PITPNM2: variants seen among roughly 807,000 people sequenced by gnomAD.
PITPNM2 encodes the protein phosphatidylinositol transfer protein membrane associated 2.
Under a neutral mutation model 132.2 loss-of-function variants are expected in PITPNM2, and 35 were observed. That is an observed-to-expected ratio of 0.26 (90% CI 0.20 to 0.35). PITPNM2 has a LOEUF of 0.35. PITPNM2 is among the 10% of genes least tolerant of loss of function. The probability of loss-of-function intolerance (pLI) is 1.00; values close to 1 mark genes in which losing one functional copy is unlikely to be tolerated. For synonymous variants in PITPNM2, 738 were observed against 799.2 expected (o/e 0.92, Z 1.29); for missense variants, 1,332 against 1,912.0 (o/e 0.70, Z 5.66).
In PITPNM2 at chr12:123,111,693, C is replaced by T. The variant is rs559465453; in HGVS notation, c.-199-1205G>A. On this transcript the variant is annotated intron_variant, in intron 1 of 25. Coordinates refer to ENST00000320201, the MANE Select transcript of PITPNM2 (RefSeq NM_020845.3). This position sits in a 1 kb window ranked among gnomAD's most constrained non-coding sequence, Gnocchi z 4.1. ...CTCCTCTGTGGGACTGAGGCTCCAT[C>T]GCTGTCCTGCCCCAGCCCCTTGTCT... 2.5e-4 allele frequency among the ~76,000 whole-genome samples: 38 copies of T among 152,234 alleles called. No individual in the cohort carries two copies. Among genetic ancestry groups the T allele is most frequent in the Non-Finnish European group, 4.6e-4 (31 of 68,038 alleles).
At chr12:123,126,151 G>C (rs1321065671) in intron 1 of PITPNM2, among the ~76,000 whole-genome samples, 1 of 151,928 alleles carries the variant, frequency 6.6e-6, no homozygotes, top group African/African-American at 2.4e-5. Flanking sequence ...TTACAGGCTT[G>C]AGCCACCATG....
At chr12:123,028,982 T>G (rs1292727991) in intron 3 of PITPNM2, among the ~76,000 whole-genome samples, 1 of 152,132 alleles carries the variant, frequency 6.6e-6, no homozygotes, top group Admixed American at 6.5e-5. Flanking sequence ...CGGGGTGGCC[T>G]GAACCTCTCC....
In PITPNM2 at chr12:122,986,817, G is replaced by A; in HGVS notation, c.3426C>T (p.Asp1142=). ...GAVDVVRHWQ[D]LGYLIIYVTG... is the part of the protein sequence containing the mutation. ...TCACGTAGATGATGAGGTAGCCCAGGTCCTGCCAGTGCCTGGGGGTGAGGT... is the reference window on the plus strand; with the variant it reads ...TCACGTAGATGATGAGGTAGCCCAGATCCTGCCAGTGCCTGGGGGTGAGGT... The change falls in exon 24 of 26, where the codon GAC becomes GAT. Residue 1142 remains aspartate (D), a synonymous_variant. Coordinates refer to ENST00000320201, the MANE Select transcript of PITPNM2 (RefSeq NM_020845.3). 2 of 1,611,068 alleles carry A rather than the reference G, an allele frequency of 1.2e-6. No individual in the cohort carries two copies. Among genetic ancestry groups the A allele is most frequent in the Non-Finnish European group, 1.7e-6 (2 of 1,178,734 alleles).
At chr12:122,987,999 C>G in intron 20 of PITPNM2, 98 bp from the exon 21 acceptor site, 1 of 1,137,196 alleles carries the variant, frequency 8.8e-7, no homozygotes, top group Middle Eastern at 2.0e-4. Context: ...CAGGCTTGAG[C>G]TGTGAGCTGC....
Position 123,117,864 on chromosome 12 carries a change from G to A in PITPNM2, c.-199-7376C>T, listed in dbSNP as rs2042961469. 6.6e-6 allele frequency among the ~76,000 whole-genome samples: 1 copy of A among 152,182 alleles called. No homozygotes were observed. ...GCTACGGGACTAGTTATATGAGTAG[G>A]GGAGGTCCACCACTTCAAAGCCTGG... On this transcript the variant is annotated intron_variant, in intron 1 of 25. Transcript: ENST00000320201. The surrounding 1 kb of genome is among the most constrained non-coding windows in gnomAD (Gnocchi z 4.7).
At chr12:123,043,207 G>A (rs1184645964) in intron 2 of PITPNM2, among the ~76,000 whole-genome samples, 1 of 152,102 alleles carries the variant, frequency 6.6e-6, no homozygotes. Context: ...GAAGCAGGCA[G>A]AGAGCTGGGT....
intron 2 of PITPNM2, among the ~76,000 whole-genome samples, chr12:123,046,057 C>T (rs1191601452): frequency 1.3e-5 from 2 of 152,186 alleles, no homozygotes; most frequent in African/African-American, 4.8e-5. Context: ...CAACAGTCAA[C>T]TCCTTAAAGA....
intron 2 of PITPNM2, among the ~76,000 whole-genome samples, chr12:123,086,023 G>A (rs955118587): frequency 1.3e-5 from 2 of 152,260 alleles, no homozygotes; most frequent in Non-Finnish European, 1.5e-5. Context: ...GGCATTCACT[G>A]CACCCTTTTC....
chr12:123,057,023 C>CT (rs1243226998), intron 2 of PITPNM2, among the ~76,000 whole-genome samples: 1 of 152,176 alleles, frequency 6.6e-6, no homozygotes, highest in Non-Finnish European at 1.5e-5. Context: ...AAAAGCGCGT[C>CT]TGAGTGTGTG....
chr12:122,989,029 C>T (rs1223745291), intron 18 of PITPNM2, among the ~76,000 whole-genome samples, 157 bp from the exon 19 acceptor site: 1 of 152,158 alleles, frequency 6.6e-6, no homozygotes, highest in Non-Finnish European at 1.5e-5. Context: ...GTGAGGCAAG[C>T]GGGAGGGAGC....
intron 8 of PITPNM2, among the ~76,000 whole-genome samples, chr12:123,003,276 G>A (rs59548945): frequency 2.0e-5 from 3 of 152,242 alleles, no homozygotes; most frequent in Non-Finnish European, 2.9e-5. Context: ...GGCACTTGCC[G>A]GCCCCCCTCC....
At chr12:123,149,025 A>T (rs183401213) in intron 1 of PITPNM2, among the ~76,000 whole-genome samples, 42 of 152,282 alleles carry the variant, frequency 2.8e-4, no homozygotes, top group African/African-American at 9.6e-4. Flanking sequence ...AGGAGGCAGA[A>T]AAGGTAGACA....
intron 1 of PITPNM2, among the ~76,000 whole-genome samples, chr12:123,121,721 T>G (rs1473504743): frequency 6.6e-6 from 1 of 151,128 alleles, no homozygotes; most frequent in Non-Finnish European, 1.5e-5. Context: ...TTAACATAAT[T>G]TTTTTTTAGT....
Position 122,989,953 on chromosome 12 carries a change from G to T in PITPNM2, c.2570-5C>A. 1 of 1,301,950 alleles carries T rather than the reference G, an allele frequency of 7.7e-7. No individual in the cohort carries two copies. 80.6% of individuals were successfully genotyped at this position (1,301,950 alleles called of 1,614,324 possible). ...GGCTGAGCGCATCGGGGGCCTCTGA[G>T]AAGCAAGAGCAATGGATGGCTCAGC... is the stretch of plus-strand genomic sequence containing the variant. On this transcript the variant is annotated splice_region_variant and splice_polypyrimidine_tract_variant and intron_variant, in intron 17 of 25. Coordinates refer to ENST00000320201, the MANE Select transcript of PITPNM2 (RefSeq NM_020845.3).
chr12:123,098,299 G>A (rs2042463269), intron 2 of PITPNM2, among the ~76,000 whole-genome samples: 1 of 152,182 alleles, frequency 6.6e-6, no homozygotes, highest in Admixed American at 6.5e-5. Context: ...GAGGAAGAAG[G>A]TGCCAGATGT....
At chr12:123,071,899 G>C (rs1012269292) in intron 2 of PITPNM2, among the ~76,000 whole-genome samples, 2 of 152,182 alleles carry the variant, frequency 1.3e-5, no homozygotes, top group Non-Finnish European at 2.9e-5. Context: ...GAAGGTCCTA[G>C]AGCAGCCCAG....
Position 123,034,666 on chromosome 12 carries a change from A to G in PITPNM2, c.-76T>C, listed in dbSNP as rs912432486. On this transcript the variant is annotated 5_prime_UTR_variant, in exon 3 of 26. Transcript: ENST00000320201. ...AGGCAAGGTTCCTTAAATAACCATG[A>G]CAAAATTCACCAAGGACCCCTGGGA... The G allele has an allele frequency of 7.0e-6, 9 of 1,292,494 alleles. No homozygotes were observed. The highest frequency in any genetic ancestry group is 1.5e-5 in the African/African-American group (1 of 68,668). 80.1% of individuals were successfully genotyped at this position (1,292,494 alleles called of 1,614,324 possible). A position where few individuals can be genotyped will look rare whatever the true frequency, so the allele number is the denominator to read the frequency against.
intron 8 of PITPNM2, among the ~76,000 whole-genome samples, chr12:123,003,280 C>G (rs1221320312): frequency 2.0e-5 from 3 of 152,168 alleles, no homozygotes; most frequent in Non-Finnish European, 4.4e-5. Context: ...CTTGCCGGCC[C>G]CCCTCCAGTC....
At chr12:123,129,444 C>T (rs2043215789) in intron 1 of PITPNM2, among the ~76,000 whole-genome samples, 2 of 151,910 alleles carry the variant, frequency 1.3e-5, no homozygotes, top group African/African-American at 4.8e-5. Flanking sequence ...GTGGCGGGTG[C>T]CTGTAGTCTC....
Sources: gnomAD v4.1 joint callset for allele counts (sites outside exome capture counted in the v4.1 genomes callset) on GRCh38, gnomAD v4.1.1 for gene constraint, Gnocchi (gnomAD v3.1) non-coding constraint, MANE v1.5 for transcripts, NCBI Gene and HGNC (gene_info 2026-07-23, HGNC 2026-07-21) for gene names.